Variants in GMDS observed in about 807,000 individuals in gnomAD.
The protein encoded by GMDS is GDP-mannose 4,6-dehydratase.
Under a neutral mutation model 49.9 loss-of-function variants are expected in GMDS, and 20 were observed. The ratio of observed to expected loss-of-function variants is 0.40; its 90% CI spans 0.28 to 0.58. The LOEUF is 0.58. Ranked by LOEUF, GMDS falls within the 20% of genes least tolerant of loss-of-function variation. GMDS has a pLI of 0.42. For missense variants in GMDS, 362 were observed against 481.4 expected (o/e 0.75, Z 2.32); for synonymous variants, 177 against 178.6 (o/e 0.99, Z 0.07).
chr6:2,196,591 G>C (rs1475250943), intron 1 of GMDS, among the ~76,000 whole-genome samples: 2 of 152,192 alleles, frequency 1.3e-5, no homozygotes, highest in Non-Finnish European at 2.9e-5. Context: ...CCTCAGGTTT[G>C]CTTGTGGTTT....
intron 7 of GMDS, among the ~76,000 whole-genome samples, chr6:1,896,804 C>T (rs1760220765): frequency 6.6e-6 from 1 of 152,240 alleles, no homozygotes. Flanking sequence ...AGCGTCTACA[C>T]TGCAGACAGA....
chr6:1,706,229 C>A (rs1243827005), intron 9 of GMDS, among the ~76,000 whole-genome samples: 1 of 152,144 alleles, frequency 6.6e-6, no homozygotes, highest in Admixed American at 6.5e-5. Flanking sequence ...GTGCTGGCAC[C>A]ATCGCGGCAC....
chr6:2,215,320 T>C (rs1358598214), intron 1 of GMDS, among the ~76,000 whole-genome samples: 1 of 152,118 alleles, frequency 6.6e-6, no homozygotes, highest in African/African-American at 2.4e-5. Flanking sequence ...GGGTAATTTA[T>C]GAAGAAAAAG....
At chr6:2,088,864 A>G (rs1375523966) in intron 4 of GMDS, among the ~76,000 whole-genome samples, 1 of 152,190 alleles carries the variant, frequency 6.6e-6, no homozygotes, top group Non-Finnish European at 1.5e-5. Flanking sequence ...GACAATCCAC[A>G]GTGTGACAAC....
intron 1 of GMDS, among the ~76,000 whole-genome samples, chr6:2,236,663 T>C (rs545438972): frequency 6.6e-6 from 1 of 152,326 alleles, no homozygotes; most frequent in Non-Finnish European, 1.5e-5. Context: ...AATAAAGCAA[T>C]ACTAAAAATC....
intron 1 of GMDS, among the ~76,000 whole-genome samples, chr6:2,220,893 A>C (rs1055998809): frequency 2.0e-5 from 3 of 152,210 alleles, no homozygotes; most frequent in African/African-American, 7.2e-5. Flanking sequence ...AGGGATGTAC[A>C]AGCTCAGGCA....
At chr6:1,641,702 ATT>A (rs1312232265) in intron 9 of GMDS, among the ~76,000 whole-genome samples, 2 of 138,300 alleles carry the variant, frequency 1.4e-5, no homozygotes, top group African/African-American at 5.6e-5. Context: ...CTCTCGGATG[ATT>A]TCTCTCTCTC....
intron 7 of GMDS, among the ~76,000 whole-genome samples, chr6:1,779,924 A>T (rs1461227655): frequency 6.6e-6 from 1 of 152,192 alleles, no homozygotes; most frequent in African/African-American, 2.4e-5. Flanking sequence ...GCTGGAGAGA[A>T]TCACCTTTCC....
intron 1 of GMDS, among the ~76,000 whole-genome samples, chr6:2,164,904 C>T (rs1456619682): frequency 2.6e-5 from 4 of 152,194 alleles, no homozygotes; most frequent in Non-Finnish European, 4.4e-5. Context: ...CCAATCTCAC[C>T]GTATTTGTTA....
intron 7 of GMDS, among the ~76,000 whole-genome samples, chr6:1,834,037 A>G (rs1362887597): frequency 6.6e-6 from 1 of 152,238 alleles, no homozygotes; most frequent in African/African-American, 2.4e-5. Context: ...AAATTTACAA[A>G]AAAATTAAAT....
chr6:1,836,503 G>C lies in GMDS; in HGVS notation c.771+93600C>G, dbSNP rs1000966252. Among the ~76,000 whole-genome samples, 1 of 152,222 alleles carries C rather than the reference G, an allele frequency of 6.6e-6. No individual in the cohort carries two copies. Among genetic ancestry groups the C allele is most frequent in the Non-Finnish European group, 1.5e-5 (1 of 68,046 alleles). ...GTTGCTAGATAAAGACATTTTTAGA[G>C]TTTCACTGAATCTGCAAAGTGCTGG... is the stretch of plus-strand genomic sequence containing the variant. On this transcript the variant is annotated intron_variant, in intron 7 of 10. Coordinates refer to ENST00000380815, the MANE Select transcript of GMDS (RefSeq NM_001500.4). The surrounding 1 kb of genome is among the most constrained non-coding windows in gnomAD (Gnocchi z 4.2).
intron 1 of GMDS, among the ~76,000 whole-genome samples, chr6:2,202,523 C>A (rs933515736): frequency 6.6e-6 from 1 of 151,262 alleles, no homozygotes; most frequent in African/African-American, 2.4e-5. Context: ...TTGACAACCT[C>A]TTAATTCTCT....
intron 1 of GMDS, among the ~76,000 whole-genome samples, chr6:2,195,039 T>C (rs1451790369): frequency 1.3e-5 from 2 of 152,208 alleles, no homozygotes; most frequent in African/African-American, 4.8e-5. Context: ...TCAATAAAAA[T>C]CTTTGTTTCC....
chr6:1,739,935 T>C lies in GMDS; in HGVS notation c.890+2533A>G, dbSNP rs1456599847. Among the ~76,000 whole-genome samples the C allele has an allele frequency of 3.9e-5, 6 of 152,376 alleles. No individual in the cohort carries two copies. The East Asian group carries it at 5.8e-4, about 15-fold the overall frequency. ...AATATAGTACTAAACAGTTTCACTATGCTTAAGCCTTTATTAGCATAGATA... is the reference window on the plus strand; with the variant it reads ...AATATAGTACTAAACAGTTTCACTACGCTTAAGCCTTTATTAGCATAGATA... On this transcript the variant is annotated intron_variant, in intron 8 of 10. Coordinates refer to ENST00000380815, the MANE Select transcript of GMDS (RefSeq NM_001500.4).
chr6:1,624,797 C>T (rs2745607), intron 9 of GMDS: 1 of 323,824 alleles, frequency 3.1e-6, no homozygotes, highest in East Asian at 5.3e-5. Flanking sequence ...CACACCTCTT[C>T]TCCCCAAGGC....
chr6:2,168,277 G>A lies in GMDS; in HGVS notation c.103-43546C>T, dbSNP rs116410167. 2.4e-3 allele frequency among the ~76,000 whole-genome samples: 373 copies of A among 152,264 alleles called. 1 individual carries two copies. Among genetic ancestry groups the A allele is most frequent in the African/African-American group, 8.2e-3 (341 of 41,540 alleles). ...CTGCAAACTGCAGGGAAGGGTGAGC[G>A]TGAAGCTTGTTCTTTACCAACAACA... On this transcript the variant is annotated intron_variant, in intron 1 of 10. Transcript: ENST00000380815.
At chr6:2,141,869 TC>T (rs1776310984) in intron 1 of GMDS, among the ~76,000 whole-genome samples, 2 of 149,172 alleles carry the variant, frequency 1.3e-5, no homozygotes, top group Non-Finnish European at 3.0e-5. Flanking sequence ...GTGCGTGCTC[TC>T]TCTCTCTCTC....
In GMDS at chr6:1,872,508, T is replaced by C. The variant is rs547848556; in HGVS notation, c.771+57595A>G. Among the ~76,000 whole-genome samples, 107 of 152,348 alleles carry C rather than the reference T, an allele frequency of 7.0e-4. 1 individual carries two copies. Among genetic ancestry groups the C allele is most frequent in the African/African-American group, 2.5e-3 (105 of 41,586 alleles). On this transcript the variant is annotated intron_variant, in intron 7 of 10. Coordinates refer to ENST00000380815, the MANE Select transcript of GMDS (RefSeq NM_001500.4). The stretch of plus-strand genomic sequence containing the variant: ...ACTAACTCTTTTTGCAGGGATATGA[T>C]AGTCCTATGGATAAAATAGCCCACA...
At position 2,203,784 on chromosome 6, in the gene GMDS, T is replaced by C. The variant is rs978047331; in HGVS notation, c.102+41537A>G. On this transcript the variant is annotated intron_variant, in intron 1 of 10. Coordinates refer to ENST00000380815, the MANE Select transcript of GMDS (RefSeq NM_001500.4). Reference sequence around the variant, plus strand: ...GTGGGTACATTTTAGTAGAAAACCTTGCTGTAGGCTGGGAGGAAGGCAGGT... The same window carrying C: ...GTGGGTACATTTTAGTAGAAAACCTCGCTGTAGGCTGGGAGGAAGGCAGGT... Among the ~76,000 whole-genome samples the C allele has an allele frequency of 3.9e-5, 6 of 152,296 alleles. No homozygotes were observed. In the East Asian group the frequency reaches 7.7e-4, roughly 20 times the overall value.
Sources: gnomAD v4.1 joint callset for allele counts (sites outside exome capture counted in the v4.1 genomes callset) on GRCh38, gnomAD v4.1.1 for gene constraint, Gnocchi (gnomAD v3.1) non-coding constraint, MANE v1.5 for transcripts, NCBI Gene and HGNC (gene_info 2026-07-23, HGNC 2026-07-21) for gene names.